Variants in IMMP2L observed in about 807,000 individuals in gnomAD.
IMMP2L encodes the protein mitochondrial inner membrane protease subunit 2.
IMMP2L carries 18 observed loss-of-function variants against 19.3 expected under a neutral mutation model. The ratio of observed to expected loss-of-function variants is 0.93; its 90% CI spans 0.64 to 1.38. IMMP2L has a LOEUF of 1.38. Ranked by LOEUF, IMMP2L falls within the 40% of genes most tolerant of loss-of-function variation. IMMP2L has a pLI of 0.00. For missense variants in IMMP2L, 233 were observed against 218.2 expected (o/e 1.07, Z -0.43); for synonymous variants, 76 against 73.0 (o/e 1.04, Z -0.21).
chr7:111,281,877 G>T (rs561500047), intron 3 of IMMP2L, among the ~76,000 whole-genome samples: 3 of 152,162 alleles, frequency 2.0e-5, no homozygotes, highest in Non-Finnish European at 4.4e-5. Flanking sequence ...GGAATGGTAG[G>T]ACAACTAAGG....
In IMMP2L at chr7:111,500,152, G is replaced by A. The variant is rs143203425; in HGVS notation, c.136-12811C>T. 3.2e-4 allele frequency among the ~76,000 whole-genome samples: 49 copies of A among 152,266 alleles called. 1 individual carries two copies. The East Asian group carries it at 9.3e-3, about 29-fold the overall frequency. On this transcript the variant is annotated intron_variant, in intron 2 of 5. Coordinates refer to ENST00000405709, the MANE Select transcript of IMMP2L (RefSeq NM_032549.4). ...GGCTTAAAAAAACGGCATACCAGGA[G>A]ATTATATCCCGCACCTGGCTCAGAG...
chr7:111,024,820 T>C (rs950382240), intron 3 of IMMP2L, among the ~76,000 whole-genome samples: 5 of 152,178 alleles, frequency 3.3e-5, no homozygotes, highest in African/African-American at 1.2e-4. Flanking sequence ...AGAGAGAAGA[T>C]ACCCCTGACT....
intron 5 of IMMP2L, among the ~76,000 whole-genome samples, chr7:110,744,092 C>G (rs1797165610): frequency 6.6e-6 from 1 of 152,146 alleles, no homozygotes; most frequent in African/African-American, 2.4e-5. Flanking sequence ...TCCACCATTG[C>G]TGAGGCTTAA....
chr7:110,883,300 C>G (rs1342119923), intron 5 of IMMP2L, among the ~76,000 whole-genome samples: 1 of 151,984 alleles, frequency 6.6e-6, no homozygotes, highest in Non-Finnish European at 1.5e-5. Context: ...ACTTTCAGAC[C>G]ACCAGTTCAT....
At chr7:111,064,153 C>T (rs546632248) in intron 3 of IMMP2L, among the ~76,000 whole-genome samples, 62 of 152,268 alleles carry the variant, frequency 4.1e-4, no homozygotes, top group African/African-American at 8.2e-4. Context: ...CACAATCACA[C>T]GGCGGCAGAC....
chr7:110,855,585 G>C (rs1317025383), intron 5 of IMMP2L, among the ~76,000 whole-genome samples: 1 of 151,980 alleles, frequency 6.6e-6, no homozygotes, highest in Non-Finnish European at 1.5e-5. Flanking sequence ...CAAAGAAAGA[G>C]AGCTAATTCC....
At chr7:110,738,289 C>T (rs2130854535) in intron 5 of IMMP2L, among the ~76,000 whole-genome samples, 1 of 152,078 alleles carries the variant, frequency 6.6e-6, no homozygotes, top group Middle Eastern at 3.4e-3. Flanking sequence ...AGTTGAAGTC[C>T]AAATTAAAGA....
chr7:111,419,962 C>T (rs935325259), intron 3 of IMMP2L, among the ~76,000 whole-genome samples: 4 of 151,172 alleles, frequency 2.6e-5, no homozygotes, highest in Non-Finnish European at 5.9e-5. Flanking sequence ...GGATACACGG[C>T]TTCAGTTTGA....
intron 5 of IMMP2L, among the ~76,000 whole-genome samples, chr7:110,743,232 T>C (rs1313341612): frequency 6.6e-6 from 1 of 152,126 alleles, no homozygotes; most frequent in African/African-American, 2.4e-5. Flanking sequence ...GAAAAGGTAG[T>C]TTGAAGGAAA....
intron 3 of IMMP2L, among the ~76,000 whole-genome samples, chr7:111,071,147 A>G (rs2129575361): frequency 6.6e-6 from 1 of 152,278 alleles, no homozygotes; most frequent in Non-Finnish European, 1.5e-5. Flanking sequence ...CATTAGAGAA[A>G]TGCAAATCAA....
At chr7:111,487,097 T>C in intron 3 of IMMP2L, 141 bp downstream of exon 3, 1 of 444,360 alleles carries the variant, frequency 2.3e-6, no homozygotes, top group Non-Finnish European at 4.0e-6. Flanking sequence ...ACTGCAAAAT[T>C]GATTTTTTAA....
At chr7:111,152,670 T>G (rs1804210999) in intron 3 of IMMP2L, among the ~76,000 whole-genome samples, 1 of 152,140 alleles carries the variant, frequency 6.6e-6, no homozygotes, top group Non-Finnish European at 1.5e-5. Flanking sequence ...CAAGATGTAG[T>G]ATCTACTCTA....
chr7:111,306,048 T>G (rs746531413), intron 3 of IMMP2L, among the ~76,000 whole-genome samples: 2 of 152,242 alleles, frequency 1.3e-5, no homozygotes, highest in Non-Finnish European at 2.9e-5. Flanking sequence ...ATCACTTTGA[T>G]ATCTTTGTTT....
intron 3 of IMMP2L, among the ~76,000 whole-genome samples, chr7:111,446,836 A>G (rs2131857294): frequency 6.6e-6 from 1 of 151,806 alleles, no homozygotes; most frequent in Middle Eastern, 3.4e-3. Flanking sequence ...GTATAACTAG[A>G]ATAACCAATA....
intron 3 of IMMP2L, among the ~76,000 whole-genome samples, chr7:111,215,111 T>C (rs746319907): frequency 2.3e-4 from 35 of 152,284 alleles, no homozygotes; most frequent in Non-Finnish European, 4.3e-4. Context: ...ATATTTACCA[T>C]TGGTTAAAAG....
rs991423797 is a variant in IMMP2L at position 111,458,301 on chromosome 7, C to T, written c.239+28937G>A. Among the ~76,000 whole-genome samples, 55 of 151,954 alleles carry T rather than the reference C, an allele frequency of 3.6e-4. 1 individual carries two copies. The highest frequency in any genetic ancestry group is 7.6e-4 in the Non-Finnish European group (52 of 67,992). ...GGCTGAGGCAGGAGAATCACTTGAA[C>T]TTGGGAGGCAGAGGTTGCAGTGAGC... On this transcript the variant is annotated intron_variant, in intron 3 of 5. Transcript: ENST00000405709.
chr7:110,945,406 G>T (rs75772457), intron 4 of IMMP2L, among the ~76,000 whole-genome samples: 1,977 of 151,976 alleles, frequency 0.013, 46 homozygotes, highest in African/African-American at 0.045. Flanking sequence ...ATCTTCCTGG[G>T]CTCTGTGAAG....
chr7:110,886,887 T>C (rs1188152501), intron 4 of IMMP2L, among the ~76,000 whole-genome samples, 192 bp from the exon 5 acceptor site: 1 of 152,174 alleles, frequency 6.6e-6, no homozygotes, highest in Non-Finnish European at 1.5e-5. Context: ...TTTTTTCTTT[T>C]TATATTTCTA....
chr7:111,163,677 T>C (rs575848455), intron 3 of IMMP2L, among the ~76,000 whole-genome samples: 9 of 152,152 alleles, frequency 5.9e-5, no homozygotes, highest in East Asian at 5.8e-4. Context: ...AGGGGCTTGA[T>C]AGATTTTCTA....
Sources: gnomAD v4.1 joint callset for allele counts (sites outside exome capture counted in the v4.1 genomes callset) on GRCh38, gnomAD v4.1.1 for gene constraint, MANE v1.5 for transcripts, NCBI Gene and HGNC (gene_info 2026-07-23, HGNC 2026-07-21) for gene names.